SLC6A4: variants seen among roughly 807,000 people sequenced by gnomAD.
SLC6A4 encodes solute carrier family 6 member 4.
SLC6A4 carries 22 observed loss-of-function variants against 73.4 expected under a neutral mutation model. The ratio of observed to expected loss-of-function variants is 0.30; its 90% CI spans 0.21 to 0.43. The LOEUF is 0.43. Among genes scored for constraint, SLC6A4 ranks in the 20% least tolerant of loss-of-function variants. The pLI, the probability that SLC6A4 is intolerant of heterozygous loss-of-function variation, is 1.00. For missense variants in SLC6A4, 593 were observed against 808.5 expected (o/e 0.73, Z 3.23); for synonymous variants, 270 against 315.5 (o/e 0.86, Z 1.53).
chr17:30,212,642 G>A, intron 9 of SLC6A4, 98 bp downstream of exon 9: 1 of 1,424,584 alleles, frequency 7.0e-7, no homozygotes, highest in South Asian at 1.3e-5. Context: ...AAAATTTCAG[G>A]AACATTTAGA....
chr17:30,199,121 C>A (rs1031465690), intron 14 of SLC6A4, among the ~76,000 whole-genome samples: 13 of 152,158 alleles, frequency 8.5e-5, no homozygotes, highest in Non-Finnish European at 1.5e-4. Flanking sequence ...GAAATCATCA[C>A]TTCTAATGCA....
In SLC6A4 at chr17:30,228,969, C is replaced by T. The variant is rs1051231993; in HGVS notation, c.-220-6054G>A. Among the ~76,000 whole-genome samples, 17 of 152,298 alleles carry T rather than the reference C, an allele frequency of 1.1e-4. No homozygotes were observed. The Middle Eastern group carries it at 0.01, about 91-fold the overall frequency. ...GCTTGTTTTGGGTTTCCTGACTGGG[C>T]GAGGGTGCCAACAGATCTGAGCTCC... is the stretch of plus-strand genomic sequence containing the variant. On this transcript the variant is annotated intron_variant, in intron 1 of 14. Coordinates refer to ENST00000650711, the MANE Select transcript of SLC6A4 (RefSeq NM_001045.6).
intron 8 of SLC6A4, 49 bp from the exon 9 acceptor site, chr17:30,212,916 G>A (rs1027150142): frequency 1.9e-6 from 3 of 1,603,444 alleles, no homozygotes; most frequent in Non-Finnish European, 2.6e-6. Context: ...CAAGATCAGG[G>A]GTCTAAGGAG....
chr17:30,222,147 T>G, intron 2 of SLC6A4, 66 bp from the exon 3 acceptor site: 1 of 974,714 alleles, frequency 1.0e-6, no homozygotes, highest in African/African-American at 1.6e-5. Flanking sequence ...TGGTATTAAC[T>G]CATCATACAT....
chr17:30,221,182 G>T (rs56122290), intron 3 of SLC6A4, among the ~76,000 whole-genome samples: 1,947 of 151,766 alleles, frequency 0.013, 43 homozygotes, highest in African/African-American at 0.044. Context: ...TTGCCATGTT[G>T]GTCAGGCTGG....
intron 6 of SLC6A4, 99 bp from the exon 7 acceptor site, chr17:30,216,315 A>AGGGGGGGGG (rs1906573318): frequency 7.9e-6 from 1 of 126,768 alleles, no homozygotes; most frequent in Non-Finnish European, 1.5e-5. Flanking sequence ...GAGGGGAGGG[A>AGGGGGGGGG]GGTGGGTGAA....
chr17:30,214,791 C>A (rs978440065), intron 8 of SLC6A4, among the ~76,000 whole-genome samples: 1 of 151,818 alleles, frequency 6.6e-6, no homozygotes, highest in Non-Finnish European at 1.5e-5. Context: ...CGCCACCACG[C>A]CCGGCTAATT....
rs199789605 is a variant in SLC6A4 at position 30,209,114 on chromosome 17, G to A, written c.1549+29C>T. 3.3e-5 allele frequency: 51 copies of A among 1,523,712 alleles called. No homozygotes were observed. In the South Asian group the frequency reaches 5.6e-4, roughly 17 times the overall value. The allele number at this position is 1,523,712 out of a possible 1,614,324, so 94.4% of individuals were successfully genotyped here. A position where few individuals can be genotyped will look rare whatever the true frequency, so the allele number is the denominator to read the frequency against. ...CTGTGCTGGCTGATGGTGTAGAAGGGACCCAGCTGGCTGAAGGAAGCGTCT... is the reference window on the plus strand; with the variant it reads ...CTGTGCTGGCTGATGGTGTAGAAGGAACCCAGCTGGCTGAAGGAAGCGTCT... On this transcript the variant is annotated intron_variant, in intron 12 of 14. Coordinates refer to ENST00000650711, the MANE Select transcript of SLC6A4 (RefSeq NM_001045.6).
chr17:30,217,160 C>T lies in SLC6A4; in HGVS notation c.837+6G>A, dbSNP rs200673587. On this transcript the variant is annotated splice_donor_region_variant and intron_variant, in intron 6 of 14. Transcript: ENST00000650711. ...GGCCTGGGTCAGCAGCCAGAGCCTT[C>T]CTCACCTTGCCAGAGGTCTTGACGC... 4.2e-5 allele frequency: 67 copies of T among 1,612,876 alleles called. No individual in the cohort carries two copies. Among genetic ancestry groups the T allele is most frequent in the Non-Finnish European group, 5.3e-5 (62 of 1,179,436 alleles).
In SLC6A4 at chr17:30,211,210, C is replaced by T; in HGVS notation, c.1317+102G>A. 1.3e-6 allele frequency: 1 copy of T among 759,020 alleles called. No individual in the cohort carries two copies. The highest frequency in any genetic ancestry group is 2.2e-6 in the Non-Finnish European group (1 of 446,360). The allele number at this position is 759,020 out of a possible 1,614,324, so 47.0% of individuals were successfully genotyped here. A position where few individuals can be genotyped will look rare whatever the true frequency, so the allele number is the denominator to read the frequency against. ...GAGCACCAGAAGGGAGTAGCCAAAG[C>T]TGCCTGGGATGGCCAGGGATGGGAG... On this transcript the variant is annotated intron_variant, in intron 10 of 14. Transcript: ENST00000650711. The surrounding 1 kb of genome is among the most constrained non-coding windows in gnomAD (Gnocchi z 4.0).
chr17:30,200,106 A>G (rs1905986112), intron 14 of SLC6A4, among the ~76,000 whole-genome samples: 2 of 152,200 alleles, frequency 1.3e-5, no homozygotes, highest in Non-Finnish European at 2.9e-5. Context: ...TAGCTCAGAG[A>G]GAGAAGAGAT....
Position 30,215,513 on chromosome 17 carries a change from G to T in SLC6A4, c.1076+98C>A, listed in dbSNP as rs1597639565. 11 of 981,238 alleles carry T rather than the reference G, an allele frequency of 1.1e-5. 1 individual carries two copies. In the East Asian group the frequency reaches 2.4e-4, roughly 21 times the overall value. The allele number at this position is 981,238 out of a possible 1,614,324, so 60.8% of individuals were successfully genotyped here. ...GCAGTGGTATCAAGGCCTAAGCCTG[G>T]CCAGATTCGAGGCCGTCGGTCCAAT... On this transcript the variant is annotated intron_variant, in intron 8 of 14. Coordinates refer to ENST00000650711, the MANE Select transcript of SLC6A4 (RefSeq NM_001045.6).
In SLC6A4 at chr17:30,222,880, G is replaced by C. The variant is rs6354; in HGVS notation, c.-185C>G. The C allele has an allele frequency of 3.8e-6, 5 of 1,300,092 alleles. No individual in the cohort carries two copies. Among genetic ancestry groups the C allele is most frequent in the South Asian group, 3.7e-5 (3 of 80,950 alleles). The allele number at this position is 1,300,092 out of a possible 1,614,324, so 80.5% of individuals were successfully genotyped here. A position where few individuals can be genotyped will look rare whatever the true frequency, so the allele number is the denominator to read the frequency against. On this transcript the variant is annotated 5_prime_UTR_variant, in exon 2 of 15. Transcript: ENST00000650711. ...GGCTAAGCCCCTTGTTATTCTGCAAGAGAGGGCAAGCAAGGTCGCCTTGCC... is the reference window on the plus strand; with the variant it reads ...GGCTAAGCCCCTTGTTATTCTGCAACAGAGGGCAAGCAAGGTCGCCTTGCC...
Position 30,211,343 on chromosome 17 carries a change from A to G in SLC6A4, c.1286T>C (p.Leu429Pro), listed in dbSNP as rs1286741075. The change falls in exon 10 of 15, where the codon CTG (leucine) becomes CCG (proline). Residue 429 changes from leucine (L) to proline (P), a missense_variant. Leu to Pro is a moderately conservative substitution (Grantham distance 98). Coordinates refer to ENST00000650711, the MANE Select transcript of SLC6A4 (RefSeq NM_001045.6). The surrounding 1 kb of genome is among the most constrained non-coding windows in gnomAD (Gnocchi z 4.0). ...GTCCAAGCCCAGCGTGATTAACATC[A>G]GAAAGAAGATGATGGCAAAGAAAGT... Reference protein sequence around the residue: ...ASTFFAIIFFLMLITLGLDST... With the variant: ...ASTFFAIIFFPMLITLGLDST... The G allele has an allele frequency of 6.2e-7, 1 of 1,612,688 alleles. No individual in the cohort carries two copies. The highest frequency in any genetic ancestry group is 8.5e-7 in the Non-Finnish European group (1 of 1,178,980).
rs556055765 is a variant in SLC6A4, at chr17:30,212,512, G to T, written c.1204+228C>A. On this transcript the variant is annotated intron_variant, in intron 9 of 14. Coordinates refer to ENST00000650711, the MANE Select transcript of SLC6A4 (RefSeq NM_001045.6). ...AGCAATCTTCCCACCTCAGCCTCCT[G>T]AGTAGCTGGGACTATAGGTGTGCAC... is the stretch of plus-strand genomic sequence containing the variant. Among the ~76,000 whole-genome samples, 366 of 152,268 alleles carry T rather than the reference G, an allele frequency of 2.4e-3. 3 individuals are homozygous for T. Among genetic ancestry groups the T allele is most frequent in the Middle Eastern group, 6.8e-3 (2 of 294 alleles).
chr17:30,217,063 G>T, intron 6 of SLC6A4, 103 bp downstream of exon 6: 1 of 978,058 alleles, frequency 1.0e-6, no homozygotes, highest in Non-Finnish European at 1.5e-6. Flanking sequence ...AATGTGTTTG[G>T]TGTGGAAGGA....
At position 30,223,189 on chromosome 17, in the gene SLC6A4, G is replaced by A. The variant is rs1906825453; in HGVS notation, c.-220-274C>T. ...CAACTGCTCACTCTGTTTCTTCTGG[G>A]CCTGAGCTTTTCAAACTCTTGAAAC... On this transcript the variant is annotated intron_variant, in intron 1 of 14. Transcript: ENST00000650711. 2.6e-5 allele frequency among the ~76,000 whole-genome samples: 4 copies of A among 152,332 alleles called. No homozygotes were observed. In the East Asian group the frequency reaches 5.8e-4, roughly 22 times the overall value.
rs145530873 is a variant in SLC6A4 at position 30,203,609 on chromosome 17, C to T, written c.1651-270G>A. On this transcript the variant is annotated intron_variant, in intron 13 of 14. Transcript: ENST00000650711. ...TGTTGCAGCAGCCCTACAGCTGCCC[C>T]TACAGTCGGGGCTGAAGCCTGCAGC... The T allele has an allele frequency of 2.7e-3, 1,171 of 425,974 alleles. 8 individuals are homozygous for T. The highest frequency in any genetic ancestry group is 2.7e-3 in the South Asian group (100 of 36,904). 26.4% of individuals were successfully genotyped at this position (425,974 alleles called of 1,614,324 possible). A position where few individuals can be genotyped will look rare whatever the true frequency, so the allele number is the denominator to read the frequency against.
intron 14 of SLC6A4, 145 bp downstream of exon 14, chr17:30,203,027 T>G: frequency 1.6e-6 from 1 of 614,046 alleles, no homozygotes; most frequent in South Asian, 2.7e-5. Flanking sequence ...ATTAGAGGTC[T>G]TCGCCATGGC....
Sources: allele counts gnomAD v4.1 joint callset (sites outside exome capture counted in the v4.1 genomes callset), GRCh38; gene constraint gnomAD v4.1.1; non-coding constraint Gnocchi (gnomAD v3.1); transcripts MANE v1.5; gene names NCBI Gene and HGNC (gene_info 2026-07-23, HGNC 2026-07-21).